Variants in ANKRD13B observed in about 807,000 individuals in gnomAD.
The protein encoded by ANKRD13B is ankyrin repeat domain-containing protein 13B.
In ANKRD13B, 33 loss-of-function variants were observed where a neutral mutation model predicts 74.4. The observed-to-expected ratio is 0.44, with a 90% CI of 0.34 to 0.59. ANKRD13B has a LOEUF of 0.59. Among genes scored for constraint, ANKRD13B ranks in the 20% least tolerant of loss-of-function variants. ANKRD13B has a pLI of 0.02. For missense variants in ANKRD13B, 676 were observed against 877.9 expected (o/e 0.77, Z 2.91); for synonymous variants, 341 against 362.9 (o/e 0.94, Z 0.68).
In ANKRD13B at chr17:29,611,275, T is replaced by A. The variant is rs1043485838; in HGVS notation, c.905-304T>A. ...ACACACGCACATGCACACCCCACAG[T>A]GCCTGCCGGGGCAGGCGTTTTACTG... On this transcript the variant is annotated intron_variant, in intron 8 of 14. Transcript: ENST00000394859. The surrounding 1 kb of genome is among the most constrained non-coding windows in gnomAD (Gnocchi z 4.3). 1.3e-5 allele frequency among the ~76,000 whole-genome samples: 2 copies of A among 152,234 alleles called. No individual in the cohort carries two copies. The highest frequency in any genetic ancestry group is 4.8e-5 in the African/African-American group (2 of 41,458).
intron 1 of ANKRD13B, among the ~76,000 whole-genome samples, chr17:29,594,894 A>T (rs2033898547): frequency 6.6e-6 from 1 of 152,214 alleles, no homozygotes; most frequent in South Asian, 2.1e-4. Flanking sequence ...CGGACTGAGC[A>T]GGCTGGGGGT....
Position 29,609,152 on chromosome 17 carries a change from T to A in ANKRD13B, c.632T>A (p.Leu211Gln). 1 of 1,612,580 alleles carries A rather than the reference T, an allele frequency of 6.2e-7. No individual in the cohort carries two copies. The highest frequency in any genetic ancestry group is 8.5e-7 in the Non-Finnish European group (1 of 1,180,032). ...GTGGTGTACACAGAGACTCTGGCAC[T>A]GGCTGGGCAGGACCGGGAGCTGCTG... Reference protein sequence around the residue: ...RRVVYTETLALAGQDRELLLA... With the variant: ...RRVVYTETLAQAGQDRELLLA... Residue 211 changes from leucine to glutamine, a missense_variant, in exon 6 of 15, where the codon CTG (leucine) becomes CAG (glutamine). Coordinates refer to ENST00000394859, the MANE Select transcript of ANKRD13B (RefSeq NM_152345.5). The surrounding 1 kb of genome is among the most constrained non-coding windows in gnomAD (Gnocchi z 4.0).
chr17:29,613,510 G>A lies in ANKRD13B; in HGVS notation c.1809G>A (p.Glu603=). 6.5e-7 allele frequency: 1 copy of A among 1,528,536 alleles called. No homozygotes were observed. Among genetic ancestry groups the A allele is most frequent in the South Asian group, 1.2e-5 (1 of 81,690 alleles). The allele number at this position is 1,528,536 out of a possible 1,614,324, so 94.7% of individuals were successfully genotyped here. The part of the protein sequence containing the change: ...AMELSAQEQE[E]RRRRARQEEE... ...AACTGTCGGCGCAGGAGCAGGAGGA[G>A]AGGCGGCGGCGCGCGCGCCAGGAGG... The change falls in exon 15 of 15, where the codon GAG becomes GAA. Residue 603 remains glutamate, a synonymous_variant. Transcript: ENST00000394859.
intron 1 of ANKRD13B, among the ~76,000 whole-genome samples, chr17:29,606,297 G>A (rs1223865424): frequency 6.7e-6 from 1 of 150,254 alleles, no homozygotes; most frequent in East Asian, 2.0e-4. Flanking sequence ...GGTGGCTCAC[G>A]CCTGTAATCC....
In ANKRD13B at chr17:29,607,846, C is replaced by A; in HGVS notation, c.219C>A (p.Asp73Glu). Residue 73 changes from aspartate to glutamate, a missense_variant, in exon 2 of 15, where the codon GAC becomes GAA. Physicochemically the swap from Asp to Glu is conservative, Grantham distance 45. Coordinates refer to ENST00000394859, the MANE Select transcript of ANKRD13B (RefSeq NM_152345.5). ...CARVLLAHGA[D>E]VGRENRSGWT... ...GTGTGCTCCTGGCGCACGGCGCAGA[C>A]GTGGGCAGGGAGAATCGCAGCGGCT... 6.2e-7 allele frequency: 1 copy of A among 1,604,230 alleles called. No individual in the cohort carries two copies. Among genetic ancestry groups the A allele is most frequent in the Non-Finnish European group, 8.5e-7 (1 of 1,178,046 alleles).
intron 1 of ANKRD13B, among the ~76,000 whole-genome samples, chr17:29,597,461 G>T (rs1410463457): frequency 1.3e-5 from 2 of 152,018 alleles, no homozygotes; most frequent in African/African-American, 4.8e-5. Context: ...TGGAGGTAGG[G>T]AGGCTCTCTG....
chr17:29,603,540 A>G, intron 1 of ANKRD13B, among the ~76,000 whole-genome samples: 1 of 152,176 alleles, frequency 6.6e-6, no homozygotes, highest in East Asian at 1.9e-4. Flanking sequence ...GGACTATAGA[A>G]GCCCAGCCAA....
chr17:29,612,934 C>T lies in ANKRD13B; in HGVS notation c.1623C>T (p.Pro541=). 3.1e-6 allele frequency: 5 copies of T among 1,598,392 alleles called. No homozygotes were observed. Among genetic ancestry groups the T allele is most frequent in the Non-Finnish European group, 3.4e-6 (4 of 1,179,738 alleles). ...ALTNSKPGTH[P]MSYEGRRQDR... is the part of the protein sequence containing the mutation. The stretch of plus-strand genomic sequence containing the variant: ...CCAACAGCAAGCCAGGCACCCACCC[C>T]ATGTCCTACGAGGGTCGCCGACAGG... Residue 541 remains proline, a synonymous_variant, in exon 14 of 15, where the codon CCC becomes CCT. Coordinates refer to ENST00000394859, the MANE Select transcript of ANKRD13B (RefSeq NM_152345.5). This position sits in a 1 kb window ranked among gnomAD's most constrained non-coding sequence, Gnocchi z 6.1.
intron 7 of ANKRD13B, 96 bp from the exon 8 acceptor site, chr17:29,610,589 G>T: frequency 9.5e-7 from 1 of 1,054,428 alleles, no homozygotes; most frequent in South Asian, 1.6e-5. Flanking sequence ...GTCTCTCCAG[G>T]ACCCTTTGCT....
At chr17:29,606,692 A>G (rs1276918003) in intron 1 of ANKRD13B, among the ~76,000 whole-genome samples, 1 of 133,906 alleles carries the variant, frequency 7.5e-6, no homozygotes, top group African/African-American at 2.8e-5. Flanking sequence ...GGAGTTTGAG[A>G]CCAGCCTGGG....
At chr17:29,605,738 G>A (rs2034347807) in intron 1 of ANKRD13B, among the ~76,000 whole-genome samples, 1 of 152,076 alleles carries the variant, frequency 6.6e-6, no homozygotes, top group Non-Finnish European at 1.5e-5. Flanking sequence ...CAAATTGCTG[G>A]GATTACAGGG....
Position 29,608,756 on chromosome 17 carries a change from C to T in ANKRD13B, c.422-95C>T. ...TCTCTCTTCAGTTCCCTCCCCTGTT[C>T]CTGGCCACACGGATCCCAAACCCCA... is the stretch of plus-strand genomic sequence containing the variant. On this transcript the variant is annotated intron_variant, in intron 4 of 14. Transcript: ENST00000394859. This position sits in a 1 kb window ranked among gnomAD's most constrained non-coding sequence, Gnocchi z 6.4. The T allele has an allele frequency of 1.3e-6, 2 of 1,513,114 alleles. No individual in the cohort carries two copies. The highest frequency in any genetic ancestry group is 1.8e-6 in the Non-Finnish European group (2 of 1,114,766). The allele number at this position is 1,513,114 out of a possible 1,614,324, so 93.7% of individuals were successfully genotyped here.
rs140086609 is a variant in ANKRD13B, at chr17:29,609,619, G to GCA, written c.822+213_822+214dup. On this transcript the variant is annotated intron_variant, in intron 7 of 14. Transcript: ENST00000394859. The surrounding 1 kb of genome is among the most constrained non-coding windows in gnomAD (Gnocchi z 4.0). ...ATGTATACACAGGGCACGTGCACAC[G>GCA]CACACACACACACACATTTATTCCT... 1.8e-4 allele frequency among the ~76,000 whole-genome samples: 28 copies of GCA among 151,734 alleles called. No homozygotes were observed. The highest frequency in any genetic ancestry group is 8.3e-4 in the South Asian group (4 of 4,806).
chr17:29,605,393 AAT>A (rs899317218), intron 1 of ANKRD13B, among the ~76,000 whole-genome samples: 4 of 150,002 alleles, frequency 2.7e-5, no homozygotes, highest in African/African-American at 9.8e-5. Context: ...TATATAGAGA[AAT>A]ATATATATAT....
In ANKRD13B at chr17:29,611,786, G is replaced by A. The variant is rs1309299197; in HGVS notation, c.970-90G>A. 3.2e-6 allele frequency: 5 copies of A among 1,566,546 alleles called. No individual in the cohort carries two copies. Among genetic ancestry groups the A allele is most frequent in the Non-Finnish European group, 4.3e-6 (5 of 1,151,354 alleles). On this transcript the variant is annotated intron_variant, in intron 9 of 14. Transcript: ENST00000394859. This position sits in a 1 kb window ranked among gnomAD's most constrained non-coding sequence, Gnocchi z 4.3. The stretch of plus-strand genomic sequence containing the variant: ...CCATGTCAGCGCCACACTGGCAGAG[G>A]GGACAGCTTGGGGGCCTTGTGACAA...
chr17:29,595,318 C>G (rs970995320), intron 1 of ANKRD13B, among the ~76,000 whole-genome samples: 1 of 152,244 alleles, frequency 6.6e-6, no homozygotes, highest in Non-Finnish European at 1.5e-5. Context: ...TGGCTCTTCT[C>G]TGCTTTCCTT....
Position 29,612,386 on chromosome 17 carries a change from GT to G in ANKRD13B, c.1259-13del, listed in dbSNP as rs2034613992. 1 of 1,612,752 alleles carries G rather than the reference GT, an allele frequency of 6.2e-7. No homozygotes were observed. The highest frequency in any genetic ancestry group is 8.5e-7 in the Non-Finnish European group (1 of 1,179,460). ...AGGGGCTGAGTGGTGGCGCCTAAAGGTTTCCTCATCCTCAGAAATCCCGATC... is the reference window on the plus strand; with the variant it reads ...AGGGGCTGAGTGGTGGCGCCTAAAGGTTCCTCATCCTCAGAAATCCCGATC... On this transcript the variant is annotated splice_polypyrimidine_tract_variant and intron_variant, in intron 11 of 14. Transcript: ENST00000394859. The surrounding 1 kb of genome is among the most constrained non-coding windows in gnomAD (Gnocchi z 6.1).
Position 29,607,891 on chromosome 17 carries a change from C to A in ANKRD13B, c.250+14C>A. 6.3e-7 allele frequency: 1 copy of A among 1,589,500 alleles called. No individual in the cohort carries two copies. ...GCGGCTGGACAGGTGGGCAGCCCTG[C>A]TCACCCCAGCCCCACAGCCGGGGCC... On this transcript the variant is annotated intron_variant, in intron 2 of 14. Transcript: ENST00000394859.
At chr17:29,599,053 G>A (rs1316973753) in intron 1 of ANKRD13B, among the ~76,000 whole-genome samples, 1 of 152,204 alleles carries the variant, frequency 6.6e-6, no homozygotes, top group Non-Finnish European at 1.5e-5. Context: ...CAGGCACTTG[G>A]ACGGGCAGTG....
Sources: gnomAD v4.1 joint callset for allele counts (sites outside exome capture counted in the v4.1 genomes callset) on GRCh38, gnomAD v4.1.1 for gene constraint, Gnocchi (gnomAD v3.1) non-coding constraint, MANE v1.5 for transcripts, NCBI Gene and HGNC (gene_info 2026-07-23, HGNC 2026-07-21) for gene names.